GALNT17: variants seen among roughly 807,000 people sequenced by gnomAD.
The protein encoded by GALNT17 is UDP-GalNAc:polypeptide N-acetylgalactosaminyltransferase-like 3.
A neutral mutation model predicts 63.7 loss-of-function variants in GALNT17; 29 were observed. The ratio of observed to expected loss-of-function variants is 0.46; its 90% CI spans 0.34 to 0.62. The LOEUF is 0.62. Ranked by LOEUF, GALNT17 falls within the 20% of genes least tolerant of loss-of-function variation. The probability of loss-of-function intolerance (pLI) is 0.01; values close to 1 mark genes in which losing one functional copy is unlikely to be tolerated. For missense variants in GALNT17, 603 were observed against 799.6 expected, an observed-to-expected ratio of 0.75 and a Z score of 2.97; for synonymous variants, 305 against 318.3, an observed-to-expected ratio of 0.96 and a Z score of 0.45.
intron 5 of GALNT17, among the ~76,000 whole-genome samples, chr7:71,553,813 C>T (rs1407162930): frequency 6.6e-6 from 1 of 152,182 alleles, no homozygotes; most frequent in South Asian, 2.1e-4. Context: ...GACAATTGCT[C>T]CATTAAATCA....
At position 71,628,096 on chromosome 7, in the gene GALNT17, TAGAG is replaced by T. The variant is rs1480238166; in HGVS notation, c.1081-37312_1081-37309del. 2.1e-5 allele frequency among the ~76,000 whole-genome samples: 3 copies of T among 145,700 alleles called. No individual in the cohort carries two copies. The East Asian group carries it at 6.0e-4, about 29-fold the overall frequency. On this transcript the variant is annotated intron_variant, in intron 6 of 10. Coordinates refer to ENST00000333538, the MANE Select transcript of GALNT17 (RefSeq NM_022479.3). ...GGGAAAAAAGTCTAAAAATGCCTCA[TAGAG>T]AGGTGATAATGAAAAAAAAAGGCTG...
At chr7:71,386,336 C>G (rs966903538) in intron 2 of GALNT17, among the ~76,000 whole-genome samples, 1 of 152,242 alleles carries the variant, frequency 6.6e-6, no homozygotes, top group Non-Finnish European at 1.5e-5. Context: ...CTGCTTCTCT[C>G]TCACTCCATG....
intron 1 of GALNT17, among the ~76,000 whole-genome samples, chr7:71,280,126 G>C (rs1286458983): frequency 6.6e-6 from 1 of 152,108 alleles, no homozygotes; most frequent in African/African-American, 2.4e-5. Context: ...CTTTGGATCA[G>C]AGAGAGAGGG....
chr7:71,678,177 T>G (rs540409126), intron 9 of GALNT17, among the ~76,000 whole-genome samples: 31 of 151,996 alleles, frequency 2.0e-4, no homozygotes, highest in African/African-American at 5.8e-4. Context: ...CAAACTGGAA[T>G]GCAGTGCCAC....
At position 71,617,504 on chromosome 7, in the gene GALNT17, TAG is replaced by T. The variant is rs111951000; in HGVS notation, c.1080+46106_1080+46107del. Among the ~76,000 whole-genome samples, 59 of 151,884 alleles carry T rather than the reference TAG, an allele frequency of 3.9e-4. 1 individual carries two copies. Among genetic ancestry groups the T allele is most frequent in the African/African-American group, 1.3e-3 (55 of 41,422 alleles). On this transcript the variant is annotated intron_variant, in intron 6 of 10. Coordinates refer to ENST00000333538, the MANE Select transcript of GALNT17 (RefSeq NM_022479.3). ...TCCCAGCTAATTTTTGTATTTTTAG[TAG>T]AGACAGGGTTTCACCATGTTGGCCA...
chr7:71,165,434 A>AG (rs1307002948), intron 1 of GALNT17, among the ~76,000 whole-genome samples: 3 of 152,020 alleles, frequency 2.0e-5, no homozygotes, highest in East Asian at 3.9e-4. Flanking sequence ...ACATGGCAGA[A>AG]GGTGAAAGGC....
intron 5 of GALNT17, among the ~76,000 whole-genome samples, chr7:71,533,875 G>C (rs1396259956): frequency 2.0e-5 from 3 of 152,110 alleles, no homozygotes; most frequent in Non-Finnish European, 2.9e-5. Context: ...AATTAGAGAG[G>C]GGTACAGGAA....
At position 71,618,759 on chromosome 7, in the gene GALNT17, T is replaced by C. The variant is rs142562207; in HGVS notation, c.1081-46652T>C. Among the ~76,000 whole-genome samples the C allele has an allele frequency of 5.8e-3, 884 of 152,252 alleles. 13 individuals carry two copies. The East Asian group carries it at 0.071, about 12-fold the overall frequency. On this transcript the variant is annotated intron_variant, in intron 6 of 10. Coordinates refer to ENST00000333538, the MANE Select transcript of GALNT17 (RefSeq NM_022479.3). ...CAAATATCTTCTCCCGTTCTATAGG[T>C]TGTCTGTTTGCTCTGTTGATAGTTT...
intron 6 of GALNT17, among the ~76,000 whole-genome samples, chr7:71,623,660 T>G (rs1003919077): frequency 1.5e-4 from 23 of 151,832 alleles, no homozygotes; most frequent in African/African-American, 5.6e-4. Context: ...GGTCTCAAAC[T>G]CCTGACCTCA....
chr7:71,331,052 G>A (rs921804028), intron 1 of GALNT17, among the ~76,000 whole-genome samples: 13 of 152,222 alleles, frequency 8.5e-5, no homozygotes, highest in Admixed American at 3.9e-4. Flanking sequence ...GGACTCTGAC[G>A]CCATCTGGAT....
chr7:71,188,650 G>T (rs1302929566), intron 1 of GALNT17, among the ~76,000 whole-genome samples: 1 of 152,166 alleles, frequency 6.6e-6, no homozygotes, highest in Non-Finnish European at 1.5e-5. Context: ...CGGTTGTGTA[G>T]ATTGTGAAGA....
At chr7:71,521,864 G>A (rs1788536565) in intron 5 of GALNT17, among the ~76,000 whole-genome samples, 1 of 152,186 alleles carries the variant, frequency 6.6e-6, no homozygotes, top group Non-Finnish European at 1.5e-5. Flanking sequence ...TGGTGAGTGA[G>A]TGCTTTCATA....
chr7:71,391,892 AC>A (rs1355459821), intron 3 of GALNT17, among the ~76,000 whole-genome samples: 1 of 152,078 alleles, frequency 6.6e-6, no homozygotes, highest in Non-Finnish European at 1.5e-5. Flanking sequence ...GGCCTCAGAA[AC>A]TTCTAGTTAT....
intron 6 of GALNT17, among the ~76,000 whole-genome samples, chr7:71,573,357 G>A (rs1789483578): frequency 6.6e-6 from 1 of 151,402 alleles, no homozygotes; most frequent in Non-Finnish European, 1.5e-5. Context: ...TTGAGAAGTA[G>A]TCTTGCTCTG....
chr7:71,322,900 A>G (rs1455097060), intron 1 of GALNT17, among the ~76,000 whole-genome samples: 1 of 152,154 alleles, frequency 6.6e-6, no homozygotes, highest in African/African-American at 2.4e-5. Context: ...ACTATGAGAC[A>G]TAAAGGTCTG....
At chr7:71,581,686 G>T (rs1423643000) in intron 6 of GALNT17, among the ~76,000 whole-genome samples, 1 of 152,106 alleles carries the variant, frequency 6.6e-6, no homozygotes, top group Non-Finnish European at 1.5e-5. Flanking sequence ...GATTATTAAG[G>T]GTATCTCCCA....
chr7:71,641,845 ATGC>A (rs1186499973), intron 6 of GALNT17, among the ~76,000 whole-genome samples: 2 of 152,312 alleles, frequency 1.3e-5, no homozygotes, highest in East Asian at 1.9e-4. Flanking sequence ...GATGGTGAGG[ATGC>A]TGCTGCTGCT....
chr7:71,595,422 AC>A (rs1178015988), intron 6 of GALNT17, among the ~76,000 whole-genome samples: 2 of 149,164 alleles, frequency 1.3e-5, no homozygotes, highest in Non-Finnish European at 3.0e-5. Context: ...ACAGAGGGAG[AC>A]TCTGTCTCAA....
intron 6 of GALNT17, among the ~76,000 whole-genome samples, chr7:71,595,404 TG>T (rs1439856314): frequency 1.3e-5 from 2 of 149,600 alleles, no homozygotes; most frequent in Non-Finnish European, 3.0e-5. Flanking sequence ...CATTCCAGTC[TG>T]GGTAAGACAG....
Sources: gnomAD v4.1 joint callset for allele counts (sites outside exome capture counted in the v4.1 genomes callset) on GRCh38, gnomAD v4.1.1 for gene constraint, MANE v1.5 for transcripts, NCBI Gene and HGNC (gene_info 2026-07-23, HGNC 2026-07-21) for gene names.